PHACTR1: variants seen among roughly 807,000 people sequenced by gnomAD.
PHACTR1 encodes the protein phosphatase and actin regulator 1.
Under a neutral mutation model 69.2 loss-of-function variants are expected in PHACTR1, and 16 were observed. That is an observed-to-expected ratio of 0.23 (90% confidence interval 0.16 to 0.35). The LOEUF (loss-of-function observed/expected upper bound fraction) is 0.35. Ranked by LOEUF, PHACTR1 falls within the 10% of genes least tolerant of loss-of-function variation. The probability of loss-of-function intolerance (pLI) is 1.00; values close to 1 mark genes in which losing one functional copy is unlikely to be tolerated. For missense variants in PHACTR1, 510 were observed against 734.7 expected, an observed-to-expected ratio of 0.69 and a Z score of 3.54; for synonymous variants, 312 against 284.5, an observed-to-expected ratio of 1.10 and a Z score of -0.97.
intron 4 of PHACTR1, among the ~76,000 whole-genome samples, chr6:12,990,670 G>T (rs1796719311): frequency 6.6e-6 from 1 of 152,210 alleles, no homozygotes; most frequent in Admixed American, 6.5e-5. Context: ...GGTAGGTCAG[G>T]GTGACAGCCT....
At chr6:13,143,814 A>G (rs1822874723) in intron 5 of PHACTR1, among the ~76,000 whole-genome samples, 1 of 152,076 alleles carries the variant, frequency 6.6e-6, no homozygotes, top group Non-Finnish European at 1.5e-5. Flanking sequence ...TTTATATAAA[A>G]TATTAGGAAA....
At chr6:13,186,101 G>A (rs995617256) in intron 7 of PHACTR1, among the ~76,000 whole-genome samples, 1 of 152,204 alleles carries the variant, frequency 6.6e-6, no homozygotes, top group Admixed American at 6.5e-5. Context: ...CAAGTCAGAT[G>A]TGTATGGCTT....
chr6:13,025,449 C>T (rs1248071101), intron 4 of PHACTR1, among the ~76,000 whole-genome samples: 1 of 152,142 alleles, frequency 6.6e-6, no homozygotes, highest in Non-Finnish European at 1.5e-5. Context: ...CATAGTGCCG[C>T]AGAGTCCTGG....
chr6:12,727,185 G>C (rs1248061874), intron 3 of PHACTR1, among the ~76,000 whole-genome samples: 7 of 152,072 alleles, frequency 4.6e-5, no homozygotes, highest in African/African-American at 1.7e-4. Flanking sequence ...CTCACACCCA[G>C]GCTTTCCAAA....
chr6:13,079,476 A>G (rs1006981676), intron 5 of PHACTR1, among the ~76,000 whole-genome samples: 5 of 152,046 alleles, frequency 3.3e-5, no homozygotes, highest in African/African-American at 9.7e-5. Context: ...CCCAATCTCT[A>G]TAGCCTTGAA....
At chr6:12,947,341 CTTT>C (rs35334406) in intron 4 of PHACTR1, among the ~76,000 whole-genome samples, 13 of 142,410 alleles carry the variant, frequency 9.1e-5, no homozygotes, top group African/African-American at 3.1e-4. Context: ...AACTATTCTG[CTTT>C]TTTTTTTTTT....
Position 13,226,066 on chromosome 6 carries a change from A to C in PHACTR1, c.987-1750A>C, listed in dbSNP as rs376781721. On this transcript the variant is annotated intron_variant, in intron 8 of 14. Coordinates refer to ENST00000332995, the MANE Select transcript of PHACTR1 (RefSeq NM_030948.6). ...ATTCAATTAGGTGGGAAATGGACCA[A>C]CGTAAACCACTAATGTGATAAACCA... 2.0e-5 allele frequency among the ~76,000 whole-genome samples: 3 copies of C among 152,196 alleles called. No individual in the cohort carries two copies. The East Asian group carries it at 5.8e-4, about 29-fold the overall frequency.
At chr6:13,247,743 G>A (rs1455186163) in intron 10 of PHACTR1, among the ~76,000 whole-genome samples, 1 of 152,110 alleles carries the variant, frequency 6.6e-6, no homozygotes, top group Non-Finnish European at 1.5e-5. Flanking sequence ...AGCCCCAGCT[G>A]CTCGGGAGAC....
chr6:12,988,836 C>T (rs1796488483), intron 4 of PHACTR1, among the ~76,000 whole-genome samples: 1 of 152,228 alleles, frequency 6.6e-6, no homozygotes, highest in African/African-American at 2.4e-5. Context: ...CAGTAAGAGC[C>T]TACTCATCTC....
chr6:12,998,434 C>T (rs1291944338), intron 4 of PHACTR1, among the ~76,000 whole-genome samples: 1 of 151,874 alleles, frequency 6.6e-6, no homozygotes, highest in Non-Finnish European at 1.5e-5. Context: ...GCCTGGACAA[C>T]ATAGTGAGAT....
intron 4 of PHACTR1, among the ~76,000 whole-genome samples, chr6:12,999,097 T>C (rs1297392286): frequency 2.6e-5 from 4 of 152,210 alleles, no homozygotes; most frequent in African/African-American, 7.2e-5. Flanking sequence ...GTTCTACTTA[T>C]ATTCTTTAGA....
chr6:12,742,758 A>G (rs1168652093), intron 3 of PHACTR1, among the ~76,000 whole-genome samples: 2 of 152,086 alleles, frequency 1.3e-5, no homozygotes, highest in African/African-American at 4.8e-5. Context: ...TGATATTCCT[A>G]ATTATTAGGG....
intron 7 of PHACTR1, among the ~76,000 whole-genome samples, chr6:13,192,227 A>G (rs948964372): frequency 1.1e-4 from 16 of 152,338 alleles, no homozygotes; most frequent in African/African-American, 3.8e-4. Context: ...TTCAAGTATA[A>G]CAAGTCAAAT....
intron 5 of PHACTR1, among the ~76,000 whole-genome samples, chr6:13,137,747 G>A (rs571556270): frequency 2.0e-5 from 3 of 152,330 alleles, no homozygotes; most frequent in Non-Finnish European, 2.9e-5. Context: ...TGTTTCTCCA[G>A]AAATACAAAA....
intron 4 of PHACTR1, among the ~76,000 whole-genome samples, chr6:12,808,052 C>T (rs10498681): frequency 0.064 from 9,811 of 152,186 alleles, 433 homozygotes; most frequent in Admixed American, 0.1. Context: ...ATGAGTCCAC[C>T]TAATGAGTCA....
At chr6:12,979,291 T>C (rs1282827985) in intron 4 of PHACTR1, among the ~76,000 whole-genome samples, 1 of 152,246 alleles carries the variant, frequency 6.6e-6, no homozygotes, top group Non-Finnish European at 1.5e-5. Flanking sequence ...CTCTAATCGT[T>C]ATCATAATCA....
chr6:12,790,857 T>C (rs185103952), intron 4 of PHACTR1, among the ~76,000 whole-genome samples: 19 of 152,338 alleles, frequency 1.2e-4, no homozygotes, highest in Admixed American at 4.6e-4. Context: ...GTCACCTGCC[T>C]GATCCTTGGC....
chr6:12,942,199 G>T (rs185238091), intron 4 of PHACTR1, among the ~76,000 whole-genome samples: 23 of 152,234 alleles, frequency 1.5e-4, no homozygotes, highest in Middle Eastern at 3.4e-3. Flanking sequence ...GGAAAAAAGA[G>T]AAAAAATTGA....
chr6:13,011,022 T>C (rs1799394617), intron 4 of PHACTR1, among the ~76,000 whole-genome samples: 3 of 152,184 alleles, frequency 2.0e-5, no homozygotes, highest in African/African-American at 7.2e-5. Flanking sequence ...CTAAGCTATA[T>C]TCCATCCTGG....
Sources: allele counts gnomAD v4.1 joint callset (sites outside exome capture counted in the v4.1 genomes callset), GRCh38; gene constraint gnomAD v4.1.1; transcripts MANE v1.5; gene names NCBI Gene and HGNC (gene_info 2026-07-23, HGNC 2026-07-21).